Variants in ZNF385B observed in about 807,000 individuals in gnomAD.
ZNF385B encodes the protein zinc finger protein 533.
Under a neutral mutation model 39.2 loss-of-function variants are expected in ZNF385B, and 23 were observed. The ratio of observed to expected loss-of-function variants is 0.59; its 90% confidence interval spans 0.42 to 0.83. ZNF385B has a LOEUF of 0.83. Ranked by LOEUF, ZNF385B falls within the 40% of genes least tolerant of loss-of-function variation. ZNF385B has a pLI of 0.00. For missense variants in ZNF385B, 552 were observed against 598.9 expected (o/e 0.92, Z 0.82); for synonymous variants, 205 against 222.6 (o/e 0.92, Z 0.70).
intron 1 of ZNF385B, among the ~76,000 whole-genome samples, chr2:179,805,699 G>A (rs1392138961): frequency 6.6e-6 from 1 of 152,096 alleles, no homozygotes; most frequent in African/African-American, 2.4e-5. Context: ...AGGATTAAAT[G>A]AATATGTAAA....
chr2:179,675,000 G>A (rs1229454013), intron 3 of ZNF385B, among the ~76,000 whole-genome samples: 2 of 152,176 alleles, frequency 1.3e-5, no homozygotes, highest in Non-Finnish European at 2.9e-5. Context: ...AGTTACCCTT[G>A]AATACTATGG....
intron 6 of ZNF385B, among the ~76,000 whole-genome samples, chr2:179,477,534 G>T (rs1009752948): frequency 1.3e-5 from 2 of 152,152 alleles, no homozygotes; most frequent in African/African-American, 4.8e-5. Context: ...CCTGCCCTCA[G>T]TGGAAATATT....
chr2:179,450,668 C>G (rs1431958726), intron 6 of ZNF385B, among the ~76,000 whole-genome samples: 2 of 151,932 alleles, frequency 1.3e-5, no homozygotes, highest in Non-Finnish European at 2.9e-5. Flanking sequence ...TAAACTAGTT[C>G]AACCATTGTG....
intron 3 of ZNF385B, among the ~76,000 whole-genome samples, chr2:179,706,797 C>T (rs1480686684): frequency 6.6e-6 from 1 of 152,192 alleles, no homozygotes; most frequent in Non-Finnish European, 1.5e-5. Context: ...TGGTCAGTTA[C>T]AAGATGAGCT....
chr2:179,848,371 C>G (rs1307660447), intron 1 of ZNF385B, among the ~76,000 whole-genome samples: 1 of 152,196 alleles, frequency 6.6e-6, no homozygotes, highest in East Asian at 1.9e-4. Context: ...GTTGAGGTGT[C>G]TAGCCTAGCG....
In ZNF385B at chr2:179,757,029, G is replaced by T. The variant is rs189475457; in HGVS notation, c.298+12474C>A. On this transcript the variant is annotated intron_variant, in intron 3 of 9. Transcript: ENST00000410066. ...AAGGAGCTGTGTTCCTTTGGAGGGGGAGAGGTGCTCTGATTTTTAGAATTT... is the reference window on the plus strand; with the variant it reads ...AAGGAGCTGTGTTCCTTTGGAGGGGTAGAGGTGCTCTGATTTTTAGAATTT... Among the ~76,000 whole-genome samples the T allele has an allele frequency of 8.1e-3, 1,236 of 152,324 alleles. 7 individuals carry two copies. The highest frequency in any genetic ancestry group is 0.013 in the Non-Finnish European group (868 of 68,030).
chr2:179,828,175 T>C (rs768815112), intron 1 of ZNF385B, among the ~76,000 whole-genome samples: 1 of 152,194 alleles, frequency 6.6e-6, no homozygotes, highest in Non-Finnish European at 1.5e-5. Context: ...AACATTCTTG[T>C]GTTTGGTGGA....
chr2:179,775,592 G>C (rs1423296587), intron 1 of ZNF385B, among the ~76,000 whole-genome samples: 22 of 152,168 alleles, frequency 1.4e-4, no homozygotes, highest in Non-Finnish European at 1.5e-5. Flanking sequence ...AATCCCAAGA[G>C]ATTGGGATTA....
intron 6 of ZNF385B, among the ~76,000 whole-genome samples, 182 bp from the exon 7 acceptor site, chr2:179,446,952 T>C (rs978043730): frequency 4.6e-5 from 7 of 152,180 alleles, no homozygotes; most frequent in Non-Finnish European, 1.0e-4. Context: ...CACTATGCCA[T>C]CAGTTTCCAT....
intron 3 of ZNF385B, among the ~76,000 whole-genome samples, chr2:179,688,829 A>G (rs1698132140): frequency 1.3e-5 from 2 of 152,152 alleles, no homozygotes. Flanking sequence ...ACCCCTACCA[A>G]TTGCCCTAGA....
chr2:179,678,022 T>G (rs1206937581), intron 3 of ZNF385B, among the ~76,000 whole-genome samples: 2 of 152,152 alleles, frequency 1.3e-5, no homozygotes, highest in Non-Finnish European at 2.9e-5. Context: ...TAGCTCTTTT[T>G]TTTTCTATCA....
chr2:179,610,592 A>C (rs907900102), intron 3 of ZNF385B, among the ~76,000 whole-genome samples: 1 of 152,164 alleles, frequency 6.6e-6, no homozygotes, highest in Non-Finnish European at 1.5e-5. Context: ...TCTGTGAAGA[A>C]TATCATTGAT....
intron 4 of ZNF385B, among the ~76,000 whole-genome samples, chr2:179,528,306 T>A (rs1352476458): frequency 6.6e-6 from 1 of 152,154 alleles, no homozygotes; most frequent in Non-Finnish European, 1.5e-5. Flanking sequence ...TAAACTAAAG[T>A]AATCTGCATT....
chr2:179,652,464 G>A (rs575903980), intron 3 of ZNF385B, among the ~76,000 whole-genome samples: 2 of 152,138 alleles, frequency 1.3e-5, no homozygotes, highest in South Asian at 2.1e-4. Context: ...GAGTACTTAC[G>A]GGATTCCCAT....
chr2:179,757,318 C>T (rs146104234), intron 3 of ZNF385B, among the ~76,000 whole-genome samples: 359 of 133,494 alleles, frequency 2.7e-3, no homozygotes, highest in South Asian at 3.3e-3. Flanking sequence ...GATCGTTCCT[C>T]TGGAAGCTTT....
chr2:179,489,231 T>C (rs2054940690), intron 5 of ZNF385B, among the ~76,000 whole-genome samples: 1 of 152,194 alleles, frequency 6.6e-6, no homozygotes, highest in Non-Finnish European at 1.5e-5. Flanking sequence ...TATACAGTGT[T>C]TCCTGGGCAC....
At chr2:179,510,448 A>G (rs1465119692) in intron 5 of ZNF385B, among the ~76,000 whole-genome samples, 1 of 152,142 alleles carries the variant, frequency 6.6e-6, no homozygotes, top group Non-Finnish European at 1.5e-5. Context: ...TAATATATAC[A>G]TAAAAGTGAA....
intron 3 of ZNF385B, among the ~76,000 whole-genome samples, chr2:179,602,500 C>CT (rs372064793): frequency 0.028 from 4,247 of 149,134 alleles, 89 homozygotes; most frequent in African/African-American, 0.056. Context: ...CACCCAGCTT[C>CT]TTTTTTTTTT....
At chr2:179,648,161 G>A (rs1456978584) in intron 3 of ZNF385B, among the ~76,000 whole-genome samples, 4 of 152,040 alleles carry the variant, frequency 2.6e-5, no homozygotes, top group Non-Finnish European at 4.4e-5. Flanking sequence ...TGCATGGGTG[G>A]AATAGAGAGG....
Sources: allele counts gnomAD v4.1 joint callset (sites outside exome capture counted in the v4.1 genomes callset), GRCh38; gene constraint gnomAD v4.1.1; transcripts MANE v1.5; gene names NCBI Gene and HGNC (gene_info 2026-07-23, HGNC 2026-07-21).